PSAP: variants seen among roughly 807,000 people sequenced by gnomAD.
PSAP encodes prosaposin, also known as precursor of saposins.
In PSAP, 25 loss-of-function variants were observed where a neutral mutation model predicts 66.0. The observed-to-expected ratio is 0.38, with a 90% CI of 0.28 to 0.53. The LOEUF is 0.53. PSAP is among the 20% of genes least tolerant of loss of function. The pLI is 0.83. For missense variants in PSAP, 649 were observed against 668.8 expected (o/e 0.97, Z 0.33); for synonymous variants, 273 against 258.9 (o/e 1.05, Z -0.52).
intron 7 of PSAP, chr10:71,822,740 C>A: frequency 2.4e-6 from 1 of 411,708 alleles, no homozygotes. Context: ...CAGCAACTAG[C>A]TCTGAGCCTG....
intron 1 of PSAP, among the ~76,000 whole-genome samples, chr10:71,837,085 A>G (rs1842640100): frequency 6.6e-6 from 1 of 152,224 alleles, no homozygotes; most frequent in African/African-American, 2.4e-5. Flanking sequence ...GTACGCCTAT[A>G]AAGTCAAGTT....
chr10:71,842,425 A>T (rs1296526995), intron 1 of PSAP, among the ~76,000 whole-genome samples: 3 of 152,228 alleles, frequency 2.0e-5, no homozygotes. Flanking sequence ...CAAAGCATTA[A>T]TTTTTAAACA....
intron 12 of PSAP, 63 bp downstream of exon 12, chr10:71,818,968 G>C: frequency 6.8e-7 from 1 of 1,477,214 alleles, no homozygotes; most frequent in African/African-American, 1.4e-5. Context: ...CAACCCTTCC[G>C]GGTCTCTGCA....
intron 2 of PSAP, 93 bp downstream of exon 2, chr10:71,834,279 A>G: frequency 2.5e-6 from 4 of 1,592,010 alleles, no homozygotes; most frequent in Non-Finnish European, 2.6e-6. Flanking sequence ...AAGGCAAGAA[A>G]AAGTGCTCTG....
Position 71,828,907 on chromosome 10 carries a change from C to T in PSAP, c.546G>A (p.Gln182=), listed in dbSNP as rs746629212. ...MANIPLLLYP[Q]DGPRSKPQPK... is the part of the protein sequence containing the mutation. ...GCTGGGGCTTGCTGCGGGGGCCGTC[C>T]TGAGGGTAGAGGAGGAGAGGGATGT... The change falls in exon 5 of 14, where the codon CAG becomes CAA. Residue 182 remains glutamine (Q), a synonymous_variant. Coordinates refer to ENST00000394936, the MANE Select transcript of PSAP (RefSeq NM_002778.4). 6.2e-7 allele frequency: 1 copy of T among 1,614,102 alleles called. No individual in the cohort carries two copies. The highest frequency in any genetic ancestry group is 2.2e-5 in the East Asian group (1 of 44,862).
At position 71,819,522 on chromosome 10, in the gene PSAP, C is replaced by A; in HGVS notation, c.1293G>T (p.Glu431Asp). The A allele has an allele frequency of 6.2e-7, 1 of 1,614,220 alleles. No individual in the cohort carries two copies. Among genetic ancestry groups the A allele is most frequent in the Non-Finnish European group, 8.5e-7 (1 of 1,180,034 alleles). The stretch of plus-strand genomic sequence containing the variant: ...AGCCTTTCTCAAGAGCAGCCAGGAT[C>A]TCCTGCTTGGTGCTGTTTTTCTCCA... ...RNLEKNSTKQEILAALEKGCS... is the reference protein window; with the variant it reads ...RNLEKNSTKQDILAALEKGCS... Residue 431 changes from glutamate (E) to aspartate (D), a missense_variant, in exon 11 of 14, where the codon GAG (glutamate) becomes GAT (aspartate). Transcript: ENST00000394936.
chr10:71,830,922 C>T (rs921298263), intron 4 of PSAP, among the ~76,000 whole-genome samples: 3 of 152,198 alleles, frequency 2.0e-5, no homozygotes, highest in African/African-American at 7.2e-5. Context: ...AGCAGCCGCA[C>T]CCTCGCTAAC....
chr10:71,816,672 C>A lies in PSAP; in HGVS notation c.*769G>T. 2.9e-6 allele frequency: 1 copy of A among 342,294 alleles called. No individual in the cohort carries two copies. Among genetic ancestry groups the A allele is most frequent in the Non-Finnish European group, 5.9e-6 (1 of 169,434 alleles). 21.2% of individuals were successfully genotyped at this position (342,294 alleles called of 1,614,324 possible). A position where few individuals can be genotyped will look rare whatever the true frequency, so the allele number is the denominator to read the frequency against. ...GCAACACGAGCAGGCACAGCGCGGCCACCACTGTCCACACGCTCACACAAG... is the reference window on the plus strand; with the variant it reads ...GCAACACGAGCAGGCACAGCGCGGCAACCACTGTCCACACGCTCACACAAG... On this transcript the variant is annotated 3_prime_UTR_variant, in exon 14 of 14. Transcript: ENST00000394936.
intron 9 of PSAP, 43 bp downstream of exon 9, chr10:71,820,197 G>A (rs771646815): frequency 1.3e-6 from 2 of 1,532,758 alleles, no homozygotes; most frequent in South Asian, 2.2e-5. Flanking sequence ...TTCAGGCTCG[G>A]GGGGGCAGGA....
intron 1 of PSAP, chr10:71,844,910 G>A (rs922875526): frequency 2.6e-5 from 4 of 152,074 alleles, no homozygotes; most frequent in East Asian, 1.9e-4. Context: ...AGTTACCCAC[G>A]GTCAAATGTG....
intron 2 of PSAP, among the ~76,000 whole-genome samples, chr10:71,832,940 C>G (rs1233035110): frequency 6.8e-6 from 1 of 147,528 alleles, no homozygotes; most frequent in Non-Finnish European, 1.5e-5. Flanking sequence ...TTGCTTGAAC[C>G]CGGGAGGCGG....
intron 1 of PSAP, among the ~76,000 whole-genome samples, chr10:71,835,706 G>T (rs1275487301): frequency 6.6e-6 from 1 of 150,972 alleles, no homozygotes; most frequent in South Asian, 2.1e-4. Flanking sequence ...GGAAACAAGA[G>T]ATTACATCGG....
chr10:71,818,483 C>T (rs1842220669), intron 13 of PSAP, 134 bp downstream of exon 13: 1 of 849,822 alleles, frequency 1.2e-6, no homozygotes, highest in South Asian at 1.3e-5. Flanking sequence ...CTAACCACCT[C>T]TCTGGGCCTC....
chr10:71,841,862 C>T (rs11818931), intron 1 of PSAP, among the ~76,000 whole-genome samples: 5,229 of 152,112 alleles, frequency 0.034, 148 homozygotes, highest in East Asian at 0.084. Context: ...ATATATTAGC[C>T]AGGCATGGTG....
chr10:71,851,152 C>A, intron 1 of PSAP, 30 bp downstream of exon 1: 1 of 1,550,414 alleles, frequency 6.4e-7, no homozygotes, highest in Non-Finnish European at 8.7e-7. Flanking sequence ...CGAGGCACCT[C>A]CTCCCCAGGA....
intron 2 of PSAP, among the ~76,000 whole-genome samples, chr10:71,832,735 C>T (rs971719466): frequency 2.0e-5 from 3 of 152,066 alleles, no homozygotes; most frequent in African/African-American, 7.2e-5. Context: ...GTGCATGGAA[C>T]CATATCAAGA....
At chr10:71,850,558 T>G (rs1842908240) in intron 1 of PSAP, among the ~76,000 whole-genome samples, 2 of 152,168 alleles carry the variant, frequency 1.3e-5, no homozygotes, top group Non-Finnish European at 2.9e-5. Context: ...CTTAGGCACA[T>G]GTTCTCAGGA....
At chr10:71,832,007 T>C (rs1026429136) in intron 2 of PSAP, 87 bp from the exon 3 acceptor site, 1 of 1,291,378 alleles carries the variant, frequency 7.7e-7, no homozygotes, top group Non-Finnish European at 1.1e-6. Context: ...CTTTTCGCTA[T>C]TCTCTCTAAC....
chr10:71,819,406 T>C, intron 11 of PSAP, 59 bp downstream of exon 11: 1 of 1,602,356 alleles, frequency 6.2e-7, no homozygotes, highest in Non-Finnish European at 8.5e-7. Flanking sequence ...TACCCCAGCC[T>C]TGGCATACTT....
Sources: allele counts gnomAD v4.1 joint callset (sites outside exome capture counted in the v4.1 genomes callset), GRCh38; gene constraint gnomAD v4.1.1; transcripts MANE v1.5; gene names NCBI Gene and HGNC (gene_info 2026-07-23, HGNC 2026-07-21).